G3BP2: variants seen among roughly 807,000 people sequenced by gnomAD.
The protein encoded by G3BP2 is ras GTPase-activating protein-binding protein 2.
G3BP2 carries 11 observed loss-of-function variants against 56.7 expected under a neutral mutation model. That is an observed-to-expected ratio of 0.19 (90% confidence interval 0.12 to 0.32). G3BP2 has a LOEUF of 0.32. Ranked by LOEUF, G3BP2 falls within the 10% of genes least tolerant of loss-of-function variation. The pLI is 1.00. For missense variants in G3BP2, 340 were observed against 610.9 expected, an observed-to-expected ratio of 0.56 and a Z score of 4.67; for synonymous variants, 165 against 191.6, an observed-to-expected ratio of 0.86 and a Z score of 1.15.
At chr4:75,656,606 C>CA (rs1041108140) in intron 5 of G3BP2, among the ~76,000 whole-genome samples, 1 of 152,114 alleles carries the variant, frequency 6.6e-6, no homozygotes, top group African/African-American at 2.4e-5. Context: ...AGCTTTGAGT[C>CA]AGTGTAATTC....
chr4:75,676,336 ATTTTT>A (rs34017434), upstream of G3BP2, among the ~76,000 whole-genome samples: 20 of 92,084 alleles, frequency 2.2e-4, no homozygotes, highest in Admixed American at 2.5e-3. Context: ...ATTGCCAATA[ATTTTT>A]TTTTTTTTTT....
At chr4:75,693,732 T>C (rs1185105154) in intron 3 of G3BP2, among the ~76,000 whole-genome samples, 1 of 150,436 alleles carries the variant, frequency 6.6e-6, no homozygotes, top group East Asian at 1.9e-4. Flanking sequence ...GAGTTTGCAG[T>C]GAGCCAAGAT....
intron 3 of G3BP2, among the ~76,000 whole-genome samples, chr4:75,707,205 G>T (rs1027271398): frequency 6.8e-6 from 1 of 148,060 alleles, no homozygotes; most frequent in African/African-American, 2.5e-5. Flanking sequence ...AGAAAACACG[G>T]AAAATAGTAT....
At chr4:75,691,712 C>T (rs1419388596) in intron 3 of G3BP2, among the ~76,000 whole-genome samples, 1 of 152,182 alleles carries the variant, frequency 6.6e-6, no homozygotes, top group Non-Finnish European at 1.5e-5. Flanking sequence ...ACCTGGGGAA[C>T]TTTGAAAGCT....
chr4:75,683,776 T>C (rs1346624599), intron 3 of G3BP2, among the ~76,000 whole-genome samples: 1 of 152,110 alleles, frequency 6.6e-6, no homozygotes, highest in Non-Finnish European at 1.5e-5. Flanking sequence ...TATCTCCCTT[T>C]TTCTAGCTGG....
intron 7 of G3BP2, 105 bp from the exon 8 acceptor site, chr4:75,654,186 C>T: frequency 1.6e-6 from 1 of 643,788 alleles, no homozygotes; most frequent in Non-Finnish European, 2.8e-6. Flanking sequence ...TAAACTATTG[C>T]TCTATATTGG....
At chr4:75,672,055 C>T (rs1733529069) in intron 1 of G3BP2, among the ~76,000 whole-genome samples, 2 of 152,204 alleles carry the variant, frequency 1.3e-5, no homozygotes, top group African/African-American at 4.8e-5. Context: ...GAACAAGGTA[C>T]AGAGCCTTGA....
chr4:75,717,920 C>A (rs1243088466), intron 3 of G3BP2, among the ~76,000 whole-genome samples: 1 of 151,956 alleles, frequency 6.6e-6, no homozygotes, highest in Non-Finnish European at 1.5e-5. Context: ...GCGGGTGGGT[C>A]ACGAGGTAAG....
intron 2 of G3BP2, 22 bp downstream of exon 2, chr4:75,661,907 CCA>C (rs772289237): frequency 2.4e-6 from 3 of 1,227,880 alleles, no homozygotes; most frequent in Non-Finnish European, 3.6e-6. Context: ...GATAAAAATA[CCA>C]AATTATTTGT....
intron 7 of G3BP2, 28 bp downstream of exon 7, chr4:75,655,038 G>GT: frequency 6.6e-7 from 1 of 1,509,322 alleles, no homozygotes; most frequent in Non-Finnish European, 9.0e-7. Flanking sequence ...ATGTGATGTT[G>GT]TAAGTCTAAA....
At chr4:75,668,700 T>C (rs1733249988) in intron 1 of G3BP2, among the ~76,000 whole-genome samples, 1 of 152,210 alleles carries the variant, frequency 6.6e-6, no homozygotes, top group South Asian at 2.1e-4. Context: ...GCAGGACTTT[T>C]GACTTCTCCT....
intron 3 of G3BP2, among the ~76,000 whole-genome samples, chr4:75,705,056 C>A (rs763786062): frequency 6.6e-6 from 1 of 151,868 alleles, no homozygotes; most frequent in African/African-American, 2.4e-5. Context: ...TTTTTTAGTT[C>A]ATCGGCTATC....
rs1268766056 is a variant in G3BP2, at chr4:75,722,530, AG to A, written c.-165-287del. 2.6e-5 allele frequency among the ~76,000 whole-genome samples: 4 copies of A among 152,306 alleles called. No individual in the cohort carries two copies. In the East Asian group the frequency reaches 7.7e-4, roughly 29 times the overall value. ...CTGATGATGGGGTAGAGTGAGTTTCAGGGACAAGGTGAAGTGAGGTTCAGGG... is the reference window on the plus strand; with the variant it reads ...CTGATGATGGGGTAGAGTGAGTTTCAGGACAAGGTGAAGTGAGGTTCAGGG... On this transcript the variant is annotated intron_variant, in intron 1 of 3. Coordinates refer to the G3BP2 transcript ENST00000499709.
intron 1 of G3BP2, 73 bp from the exon 2 acceptor site, chr4:75,662,122 T>A: frequency 1.1e-6 from 1 of 914,170 alleles, no homozygotes; most frequent in East Asian, 2.5e-5. Context: ...TAAATTTTCT[T>A]TTTAGCCAAA....
rs1295631407 is a variant in G3BP2, at chr4:75,673,311, A to ACTCGGAAGC, written c.-137_-129dup. 4.1e-6 allele frequency: 5 copies of ACTCGGAAGC among 1,229,362 alleles called. No individual in the cohort carries two copies. The African/African-American group carries it at 4.7e-5, about 11-fold the overall frequency. The allele number at this position is 1,229,362 out of a possible 1,614,324, so 76.2% of individuals were successfully genotyped here. On this transcript the variant is annotated 5_prime_UTR_variant, in exon 1 of 12. Transcript: ENST00000359707. ...TGCTCGCCGCCCCCTTCCTCCGACA[A>ACTCGGAAGC]CTCGGAAGCCTCGGAAGCCGGAGAG...
At chr4:75,646,229 C>A in intron 11 of G3BP2, 109 bp downstream of exon 11, 1 of 641,546 alleles carries the variant, frequency 1.6e-6, no homozygotes, top group Non-Finnish European at 2.8e-6. Context: ...CATTTAATAA[C>A]TATTTTTAGC....
chr4:75,717,382 G>A (rs996508966), intron 3 of G3BP2, among the ~76,000 whole-genome samples: 8 of 152,168 alleles, frequency 5.3e-5, no homozygotes, highest in Non-Finnish European at 1.0e-4. Flanking sequence ...GGGGGTTGCA[G>A]AGAGGGGACC....
intron 8 of G3BP2, 126 bp from the exon 9 acceptor site, chr4:75,648,867 GT>G: frequency 1.7e-6 from 1 of 578,600 alleles, no homozygotes; most frequent in Non-Finnish European, 3.1e-6. Context: ...TTTTAACATA[GT>G]GTCCTATGTA....
At chr4:75,706,177 A>G (rs1044467003) in intron 3 of G3BP2, among the ~76,000 whole-genome samples, 3 of 152,158 alleles carry the variant, frequency 2.0e-5, no homozygotes, top group Non-Finnish European at 4.4e-5. Context: ...CTCTACTAAG[A>G]TCCTACTTAC....
Sources: allele counts gnomAD v4.1 joint callset (sites outside exome capture counted in the v4.1 genomes callset), GRCh38; gene constraint gnomAD v4.1.1; transcripts MANE v1.5; gene names NCBI Gene and HGNC (gene_info 2026-07-23, HGNC 2026-07-21).